ZNF214: variants seen among roughly 807,000 people sequenced by gnomAD.
ZNF214 encodes zinc finger protein 214, also known as BWSCR2-associated zinc finger protein 1.
In ZNF214, 43 loss-of-function variants were observed where a neutral mutation model predicts 53.9. The observed-to-expected ratio is 0.80, with a 90% CI of 0.63 to 1.03. The LOEUF is 1.03. Ranked by LOEUF, ZNF214 falls within the 50% of genes least tolerant of loss-of-function variation. The pLI is 0.00. For synonymous variants in ZNF214, 217 were observed against 229.5 expected (o/e 0.95, Z 0.49); for missense variants, 724 against 719.1 (o/e 1.01, Z -0.08).
At chr11:7,002,104 G>T (rs952630196) in intron 2 of ZNF214, among the ~76,000 whole-genome samples, 1 of 151,954 alleles carries the variant, frequency 6.6e-6, no homozygotes, top group Non-Finnish European at 1.5e-5. Flanking sequence ...GCAGAGACTT[G>T]AAAAGTCCTT....
intron 1 of ZNF214, among the ~76,000 whole-genome samples, chr11:7,012,022 T>C (rs759458490): frequency 1.5e-4 from 23 of 152,310 alleles, no homozygotes; most frequent in South Asian, 1.2e-3. Flanking sequence ...TCCAGTCAAA[T>C]ATTCAGATGG....
rs374992970 is a variant in ZNF214 at position 7,000,503 on chromosome 11, C to T, written c.1180G>A (p.Gly394Ser). 3.1e-6 allele frequency: 5 copies of T among 1,612,612 alleles called. No individual in the cohort carries two copies. The highest frequency in any genetic ancestry group is 4.2e-6 in the Non-Finnish European group (5 of 1,179,296). The change falls in exon 3 of 3, where the codon GGT becomes AGT. Residue 394 changes from glycine (G) to serine (S), a missense_variant. Gly to Ser is a moderately conservative substitution (Grantham distance 56). Transcript: ENST00000278314. ...CGAAGATTTGAGCTCTGGCTGAAACCCTTACCACACTCATCACACTTATAT... is the reference window on the plus strand; with the variant it reads ...CGAAGATTTGAGCTCTGGCTGAAACTCTTACCACACTCATCACACTTATAT... ...KPYKCDECGK[G>S]FSQSSNLRIH...
intron 1 of ZNF214, among the ~76,000 whole-genome samples, chr11:7,019,131 T>C (rs1187367981): frequency 1.3e-5 from 2 of 152,018 alleles, no homozygotes; most frequent in East Asian, 3.9e-4. Context: ...TGGGGAAGGG[T>C]AGAGTGCTGA....
chr11:7,015,593 A>C (rs77592993), intron 1 of ZNF214, among the ~76,000 whole-genome samples: 10 of 23,390 alleles, frequency 4.3e-4, no homozygotes, highest in South Asian at 3.6e-3. Context: ...ACAACAACAA[A>C]AACAACAACA....
Position 6,999,956 on chromosome 11 carries a change from T to C in ZNF214, c.1727A>G (p.His576Arg), listed in dbSNP as rs199512671. 253 of 1,613,178 alleles carry C rather than the reference T, an allele frequency of 1.6e-4. 1 individual carries two copies. In the Admixed American group the frequency reaches 4.0e-3, roughly 26 times the overall value. Reference protein sequence around the residue: ...SSALRIHQRVHAGEKPYKCRE... With the variant: ...SSALRIHQRVRAGEKPYKCRE... Reference sequence around the variant, plus strand: ...GCATTTGTAAGGTTTCTCTCCTGCATGGACTCTTTGATGAATTCGAAGAGC... The same window carrying C: ...GCATTTGTAAGGTTTCTCTCCTGCACGGACTCTTTGATGAATTCGAAGAGC... Residue 576 changes from histidine to arginine, a missense_variant, in exon 3 of 3, where the codon CAT (histidine) becomes CGT (arginine). Coordinates refer to ENST00000278314, the MANE Select transcript of ZNF214 (RefSeq NM_013249.4).
At chr11:7,010,223 G>A (rs1589841657) in intron 1 of ZNF214, among the ~76,000 whole-genome samples, 1 of 152,132 alleles carries the variant, frequency 6.6e-6, no homozygotes, top group Middle Eastern at 3.4e-3. Flanking sequence ...ATATACCATG[G>A]AATACTACAC....
chr11:7,018,691 G>A (rs1015482209), intron 1 of ZNF214, among the ~76,000 whole-genome samples: 6 of 151,786 alleles, frequency 4.0e-5, no homozygotes, highest in South Asian at 2.1e-4. Context: ...TAGTAAAGAC[G>A]AGGTTTCACC....
Position 7,013,191 on chromosome 11 carries a change from A to T in ZNF214, c.-21+6882T>A, listed in dbSNP as rs541501884. Among the ~76,000 whole-genome samples, 57 of 152,314 alleles carry T rather than the reference A, an allele frequency of 3.7e-4. No homozygotes were observed. The South Asian group carries it at 4.4e-3, about 12-fold the overall frequency. ...TTTATGACTTAGCCTTGGAGGTCAC[A>T]TCCTATCACTTCTACTGTACTCCAC... On this transcript the variant is annotated intron_variant, in intron 1 of 2. Transcript: ENST00000278314.
chr11:7,003,306 A>T (rs1851397810), intron 1 of ZNF214, among the ~76,000 whole-genome samples: 1 of 152,126 alleles, frequency 6.6e-6, no homozygotes. Context: ...TCAATTCTAA[A>T]TTTCAATTTA....
At chr11:7,007,413 C>T (rs1851496614) in intron 1 of ZNF214, among the ~76,000 whole-genome samples, 1 of 150,718 alleles carries the variant, frequency 6.6e-6, no homozygotes, top group Non-Finnish European at 1.5e-5. Context: ...AGAACAGATA[C>T]ACTAAAAAGA....
chr11:7,003,429 T>C (rs974431709), intron 1 of ZNF214, among the ~76,000 whole-genome samples: 1 of 151,992 alleles, frequency 6.6e-6, no homozygotes, highest in African/African-American at 2.4e-5. Context: ...AGCACCATCA[T>C]AGCTGCAGCT....
intron 1 of ZNF214, among the ~76,000 whole-genome samples, chr11:7,007,411 T>C (rs1027368221): frequency 6.6e-6 from 1 of 150,994 alleles, no homozygotes; most frequent in African/African-American, 2.4e-5. Flanking sequence ...TTAGAACAGA[T>C]ACACTAAAAA....
At chr11:7,004,024 A>T (rs1851419703) in intron 1 of ZNF214, among the ~76,000 whole-genome samples, 1 of 151,924 alleles carries the variant, frequency 6.6e-6, no homozygotes, top group African/African-American at 2.4e-5. Context: ...TATCTGGAAA[A>T]TAAATGGACT....
rs571193275 is a variant in ZNF214 at position 6,997,927 on chromosome 11, A to G, written c.*1935T>C. On this transcript the variant is annotated 3_prime_UTR_variant, in exon 3 of 3. Transcript: ENST00000278314. ...ATTTGTATATTTTTATTGCACATTT[A>G]ATTTTTTGAAGTTTTGGAAACTATC... is the stretch of plus-strand genomic sequence containing the variant. 6.6e-6 allele frequency among the ~76,000 whole-genome samples: 1 copy of G among 152,002 alleles called. No homozygotes were observed. The highest frequency in any genetic ancestry group is 1.9e-4 in the East Asian group (1 of 5,168).
intron 1 of ZNF214, among the ~76,000 whole-genome samples, chr11:7,008,116 T>C (rs1235411806): frequency 6.6e-6 from 1 of 152,014 alleles, no homozygotes; most frequent in African/African-American, 2.4e-5. Context: ...AAGATCCAAA[T>C]GAAATACTTG....
At chr11:7,005,377 AAAC>A (rs1437519484) in intron 1 of ZNF214, among the ~76,000 whole-genome samples, 8 of 152,052 alleles carry the variant, frequency 5.3e-5, no homozygotes, top group African/African-American at 1.9e-4. Context: ...AGAATTATAT[AAAC>A]AATAAACTAA....
intron 1 of ZNF214, among the ~76,000 whole-genome samples, chr11:7,005,561 G>C (rs2133392198): frequency 6.6e-6 from 1 of 152,132 alleles, no homozygotes; most frequent in Middle Eastern, 3.4e-3. Flanking sequence ...CTGTTAGCTG[G>C]TTCTTTTGTT....
Position 6,999,872 on chromosome 11 carries a change from C to T in ZNF214, c.1811G>A (p.Gly604Glu). ...NSHLHNNHRR[G>E]NL ...CTAAATGAACAATATTTATAAGTTTCCTCTTCTATGATTATTGTGAAGATG... is the reference window on the plus strand; with the variant it reads ...CTAAATGAACAATATTTATAAGTTTTCTCTTCTATGATTATTGTGAAGATG... The change falls in exon 3 of 3, where the codon GGA (glycine) becomes GAA (glutamate). Residue 604 changes from glycine (G) to glutamate (E), a missense_variant. Physicochemically the swap from Gly to Glu is moderately conservative, Grantham distance 98. Transcript: ENST00000278314. 1.9e-6 allele frequency: 3 copies of T among 1,602,420 alleles called. No individual in the cohort carries two copies. The South Asian group carries it at 3.3e-5, about 18-fold the overall frequency.
At position 7,001,090 on chromosome 11, in the gene ZNF214, G is replaced by A. The variant is rs781515346; in HGVS notation, c.593C>T (p.Pro198Leu). ...HSYIPVEEALPQYVGVICQED... is the reference protein window; with the variant it reads ...HSYIPVEEALLQYVGVICQED... ...TTGACATATCACCCCAACATACTGT[G>A]GAAGGGCTTCCTCCACTGGGATATA... Residue 198 changes from proline to leucine, a missense_variant, in exon 3 of 3, where the codon CCA (proline) becomes CTA (leucine). Physicochemically the swap from Pro to Leu is moderately conservative, Grantham distance 98. Coordinates refer to ENST00000278314, the MANE Select transcript of ZNF214 (RefSeq NM_013249.4). The A allele has an allele frequency of 6.2e-7, 1 of 1,613,256 alleles. No homozygotes were observed. The highest frequency in any genetic ancestry group is 2.2e-5 in the East Asian group (1 of 44,842).
Sources: gnomAD v4.1 joint callset for allele counts (sites outside exome capture counted in the v4.1 genomes callset) on GRCh38, gnomAD v4.1.1 for gene constraint, MANE v1.5 for transcripts, NCBI Gene and HGNC (gene_info 2026-07-23, HGNC 2026-07-21) for gene names.